Variants in OR3A2 observed in about 807,000 individuals in gnomAD.
OR3A2 encodes the protein olfactory receptor family 3 subfamily A member 2, also known as olfactory receptor 3A2.
For missense variants in OR3A2, 318 were observed against 392.8 expected, an observed-to-expected ratio of 0.81 and a Z score of 1.61; for synonymous variants, 126 against 159.3, an observed-to-expected ratio of 0.79 and a Z score of 1.57.
rs201927505 is a variant in OR3A2 at position 3,292,191 on chromosome 17, C to A, written c.-84-13038G>T. ...CATGCGGGTGCTGTAGGTGAGGGGC[C>A]GGCAGATGGCCAGGAATCGGTCATA... On this transcript the variant is annotated intron_variant, in intron 3 of 4. Coordinates refer to the OR3A2 transcript ENST00000573491. The A allele has an allele frequency of 6.2e-7, 1 of 1,613,700 alleles. No homozygotes were observed. Among genetic ancestry groups the A allele is most frequent in the Admixed American group, 1.7e-5 (1 of 59,986 alleles).
At chr17:3,376,050 T>G (rs955805292) in intron 2 of OR3A2, among the ~76,000 whole-genome samples, 5 of 152,240 alleles carry the variant, frequency 3.3e-5, no homozygotes, top group African/African-American at 1.2e-4. Context: ...TAGTTTGGTT[T>G]AGTGCACTGG....
At chr17:3,306,685 A>AAAAAAC (rs1190839101) in intron 3 of OR3A2, among the ~76,000 whole-genome samples, 1 of 148,984 alleles carries the variant, frequency 6.7e-6, no homozygotes, top group Non-Finnish European at 1.5e-5. Context: ...TCTTCAAAAA[A>AAAAAAC]AAAAAAAAAA....
chr17:3,304,842 C>G (rs894041636), intron 3 of OR3A2, among the ~76,000 whole-genome samples: 1 of 152,108 alleles, frequency 6.6e-6, no homozygotes, highest in African/African-American at 2.4e-5. Context: ...ACTATTGATA[C>G]ATGCTACAAC....
In OR3A2 at chr17:3,292,821, C is replaced by T. The variant is rs552261375; in HGVS notation, c.-84-13668G>A. On this transcript the variant is annotated intron_variant, in intron 3 of 4. Transcript: ENST00000573491. ...CAGGTAACATTACCACTCTGGACCT[C>T]CCTCCTCCAACCCGCCCCCCAGCTG... 2.0e-5 allele frequency among the ~76,000 whole-genome samples: 3 copies of T among 152,148 alleles called. No homozygotes were observed. The South Asian group carries it at 6.2e-4, about 32-fold the overall frequency.
intron 3 of OR3A2, among the ~76,000 whole-genome samples, chr17:3,334,378 A>G (rs946446656): frequency 6.6e-6 from 1 of 152,164 alleles, no homozygotes. Context: ...GCTTCCACAT[A>G]TGAGTGAGAA....
intron 2 of OR3A2, among the ~76,000 whole-genome samples, chr17:3,344,794 G>A (rs530171500): frequency 1.3e-5 from 2 of 152,142 alleles, no homozygotes; most frequent in Admixed American, 6.5e-5. Context: ...TTAGGGAAGG[G>A]CATCTGACCC....
chr17:3,297,767 G>A (rs1763066335), intron 3 of OR3A2, among the ~76,000 whole-genome samples: 1 of 152,146 alleles, frequency 6.6e-6, no homozygotes, highest in Non-Finnish European at 1.5e-5. Context: ...TTGAAAGTAT[G>A]ACCGTAAGAG....
chr17:3,351,844 A>G (rs562230017), intron 2 of OR3A2, among the ~76,000 whole-genome samples: 2 of 152,284 alleles, frequency 1.3e-5, no homozygotes, highest in African/African-American at 4.8e-5. Flanking sequence ...GATATAGATC[A>G]ATGGAACAGA....
At chr17:3,354,935 C>A (rs1295587188) in intron 2 of OR3A2, among the ~76,000 whole-genome samples, 1 of 151,132 alleles carries the variant, frequency 6.6e-6, no homozygotes, top group East Asian at 1.9e-4. Flanking sequence ...TGCTCTATCC[C>A]ATAGGTTTTG....
chr17:3,292,350 C>T (rs769142492), intron 3 of OR3A2: 3 of 1,614,144 alleles, frequency 1.9e-6, no homozygotes, highest in Admixed American at 1.7e-5. Flanking sequence ...AACAGTGACG[C>T]TGATGCACCC....
chr17:3,326,340 A>G (rs2049171719), intron 3 of OR3A2, among the ~76,000 whole-genome samples: 1 of 152,020 alleles, frequency 6.6e-6, no homozygotes, highest in Non-Finnish European at 1.5e-5. Flanking sequence ...GTAAAACCCC[A>G]AACTATAAAA....
chr17:3,283,525 G>A (rs1269545220), intron 1 of OR3A2, among the ~76,000 whole-genome samples: 2 of 152,076 alleles, frequency 1.3e-5, no homozygotes, highest in Non-Finnish European at 2.9e-5. Flanking sequence ...GCGCCCGGCC[G>A]GTATCCAATA....
chr17:3,363,990 C>T (rs958556659), intron 2 of OR3A2, among the ~76,000 whole-genome samples: 1 of 152,186 alleles, frequency 6.6e-6, no homozygotes, highest in Non-Finnish European at 1.5e-5. Context: ...CCAATCACCT[C>T]CCACCAGGCC....
chr17:3,332,197 T>A (rs1375447539), intron 3 of OR3A2, among the ~76,000 whole-genome samples: 1 of 152,232 alleles, frequency 6.6e-6, no homozygotes. Flanking sequence ...AGGTGGAGCC[T>A]ACAGAGGCAG....
chr17:3,327,801 T>TGA (rs2049190132), intron 3 of OR3A2, among the ~76,000 whole-genome samples: 1 of 139,300 alleles, frequency 7.2e-6, no homozygotes, highest in African/African-American at 2.9e-5. Context: ...CAGCACCATT[T>TGA]ATTAAATAGG....
intron 2 of OR3A2, among the ~76,000 whole-genome samples, chr17:3,358,914 A>G (rs1018836473): frequency 6.6e-6 from 1 of 151,818 alleles, no homozygotes; most frequent in South Asian, 2.1e-4. Flanking sequence ...TCAAGAGTCT[A>G]TGTCTCCTTG....
At chr17:3,332,636 T>C (rs901566390) in intron 3 of OR3A2, among the ~76,000 whole-genome samples, 9 of 152,168 alleles carry the variant, frequency 5.9e-5, no homozygotes, top group South Asian at 2.1e-4. Context: ...GTACCTCAGA[T>C]GGAAATGCAG....
At chr17:3,347,560 C>G (rs230446) in intron 2 of OR3A2, among the ~76,000 whole-genome samples, 24 of 152,020 alleles carry the variant, frequency 1.6e-4, no homozygotes, top group African/African-American at 5.1e-4. Context: ...CATGTCCCTA[C>G]AAAGGACATG....
intron 3 of OR3A2, among the ~76,000 whole-genome samples, chr17:3,316,118 C>T (rs2030753325): frequency 6.6e-6 from 1 of 152,132 alleles, no homozygotes; most frequent in African/African-American, 2.4e-5. Context: ...CCCTATTGCA[C>T]AGTTTTGAAT....
Sources: gnomAD v4.1 joint callset for allele counts (sites outside exome capture counted in the v4.1 genomes callset) on GRCh38, gnomAD v4.1.1 for gene constraint, MANE v1.5 for transcripts, NCBI Gene and HGNC (gene_info 2026-07-23, HGNC 2026-07-21) for gene names.